PIBF1: variants seen among roughly 807,000 people sequenced by gnomAD.
PIBF1 encodes the protein progesterone immunomodulatory binding factor 1, also known as progesterone-induced-blocking factor 1.
A neutral mutation model predicts 112.5 loss-of-function variants in PIBF1; 90 were observed. The ratio of observed to expected loss-of-function variants is 0.80; its 90% CI spans 0.67 to 0.95. The LOEUF is 0.95. Among genes scored for constraint, PIBF1 ranks in the 40% least tolerant of loss-of-function variants. The pLI is 0.00. For missense variants in PIBF1, 915 were observed against 852.3 expected, an observed-to-expected ratio of 1.07 and a Z score of -0.92; for synonymous variants, 301 against 288.6, an observed-to-expected ratio of 1.04 and a Z score of -0.44.
chr13:72,933,795 G>A (rs904856686), intron 14 of PIBF1, among the ~76,000 whole-genome samples: 5 of 152,174 alleles, frequency 3.3e-5, no homozygotes, highest in African/African-American at 1.2e-4. Context: ...TTTTAAATAA[G>A]CTATGGCTTA....
intron 11 of PIBF1, among the ~76,000 whole-genome samples, chr13:72,894,335 TTCTA>T (rs1243822230): frequency 2.0e-5 from 3 of 152,074 alleles, no homozygotes; most frequent in Admixed American, 1.3e-4. Context: ...TATGATATGT[TTCTA>T]TCTAATCAAA....
chr13:72,935,205 C>T (rs1218736825), intron 14 of PIBF1, among the ~76,000 whole-genome samples: 2 of 152,096 alleles, frequency 1.3e-5, no homozygotes, highest in Admixed American at 6.5e-5. Context: ...AGGCTGGTCT[C>T]GAACTCCTGA....
intron 5 of PIBF1, 128 bp from the exon 6 acceptor site, chr13:72,821,721 A>G (rs1028467750): frequency 1.7e-6 from 1 of 604,342 alleles, no homozygotes; most frequent in African/African-American, 1.9e-5. Flanking sequence ...AAATTTAAAA[A>G]TTGAGGAATT....
chr13:73,004,505 G>GAAAAGAAAAGA (rs55680543), intron 17 of PIBF1, among the ~76,000 whole-genome samples: 3 of 141,704 alleles, frequency 2.1e-5, no homozygotes, highest in East Asian at 2.1e-4. Flanking sequence ...AAAAAAAAAA[G>GAAAAGAAAAGA]AAAGAAAAGA....
At chr13:72,784,523 T>G (rs1388879655) in intron 2 of PIBF1, among the ~76,000 whole-genome samples, 1 of 152,106 alleles carries the variant, frequency 6.6e-6, no homozygotes, top group South Asian at 2.1e-4. Context: ...CTTTGGATGC[T>G]GAGGCCAGTG....
At position 73,015,949 on chromosome 13, in the gene PIBF1, T is replaced by G. The variant is rs373420939; in HGVS notation, c.*30T>G. 19 of 1,431,924 alleles carry G rather than the reference T, an allele frequency of 1.3e-5. No individual in the cohort carries two copies. The African/African-American group carries it at 2.3e-4, about 17-fold the overall frequency. 88.7% of individuals were successfully genotyped at this position (1,431,924 alleles called of 1,614,324 possible). A position where few individuals can be genotyped will look rare whatever the true frequency, so the allele number is the denominator to read the frequency against. On this transcript the variant is annotated 3_prime_UTR_variant, in exon 18 of 18. Transcript: ENST00000326291. ...TTGGATGGGAAGCACCTGTAGACCA[T>G]TATATACTCCTGAAGTTCTTTTTCT...
intron 10 of PIBF1, among the ~76,000 whole-genome samples, chr13:72,882,730 A>G (rs563542446): frequency 1.3e-5 from 2 of 152,344 alleles, no homozygotes; most frequent in East Asian, 3.9e-4. Flanking sequence ...AATCAAAACT[A>G]CAATGAGACA....
intron 2 of PIBF1, among the ~76,000 whole-genome samples, chr13:72,789,268 T>G (rs1424241679): frequency 6.6e-6 from 1 of 152,194 alleles, no homozygotes; most frequent in East Asian, 1.9e-4. Flanking sequence ...CTCTGCAGCC[T>G]CAAATTACTG....
intron 9 of PIBF1, among the ~76,000 whole-genome samples, chr13:72,847,830 A>G (rs569370184): frequency 2.0e-5 from 3 of 152,312 alleles, no homozygotes; most frequent in African/African-American, 7.2e-5. Context: ...TCTACATGCA[A>G]CCCTTCTATT....
In PIBF1 at chr13:72,783,439, TAGAG is replaced by T; in HGVS notation, c.-29_-26del. ...AACCTACAGAATATTAAAATCAAAT[TAGAG>T]AAGAAAACTGATCCATAATAATAAA... is the stretch of plus-strand genomic sequence containing the variant. On this transcript the variant is annotated 5_prime_UTR_variant, in exon 2 of 18. Transcript: ENST00000326291. 1 of 1,432,972 alleles carries T rather than the reference TAGAG, an allele frequency of 7.0e-7. No homozygotes were observed. The highest frequency in any genetic ancestry group is 9.6e-7 in the Non-Finnish European group (1 of 1,038,138). The allele number at this position is 1,432,972 out of a possible 1,614,324, so 88.8% of individuals were successfully genotyped here. A position where few individuals can be genotyped will look rare whatever the true frequency, so the allele number is the denominator to read the frequency against.
chr13:72,834,581 T>C (rs941679371), intron 8 of PIBF1, among the ~76,000 whole-genome samples: 4 of 152,120 alleles, frequency 2.6e-5, no homozygotes, highest in African/African-American at 9.7e-5. Context: ...ATTGTGCCAC[T>C]GTACTTCATC....
chr13:73,002,703 C>T (rs964044393), intron 17 of PIBF1, among the ~76,000 whole-genome samples: 38 of 151,924 alleles, frequency 2.5e-4, no homozygotes, highest in African/African-American at 8.9e-4. Flanking sequence ...CAAAAAAGAG[C>T]TTGGGCGCAG....
Position 73,002,838 on chromosome 13 carries a change from T to C in PIBF1, c.2223+3843T>C, listed in dbSNP as rs533644966. ...GTCTCTACTAAAAATACCAAAATTA[T>C]TCAGGTGTGGTGGTGCATGCCTGTA... On this transcript the variant is annotated intron_variant, in intron 17 of 17. Transcript: ENST00000326291. Among the ~76,000 whole-genome samples the C allele has an allele frequency of 1.0e-3, 158 of 151,858 alleles. No homozygotes were observed. In the Middle Eastern group the frequency reaches 0.014, roughly 13 times the overall value.
chr13:73,011,242 A>G (rs1160000057), intron 17 of PIBF1, among the ~76,000 whole-genome samples: 1 of 152,208 alleles, frequency 6.6e-6, no homozygotes, highest in Non-Finnish European at 1.5e-5. Flanking sequence ...AATCCCATGG[A>G]TGGGAACCAG....
intron 13 of PIBF1, among the ~76,000 whole-genome samples, chr13:72,929,305 AT>A (rs1225815028): frequency 4.6e-5 from 7 of 152,112 alleles, no homozygotes; most frequent in African/African-American, 1.7e-4. Context: ...ATTAAGGCTT[AT>A]TTTATTTGTA....
chr13:73,010,805 C>CTTCTCTT (rs1396150238), intron 17 of PIBF1, among the ~76,000 whole-genome samples: 3 of 52,612 alleles, frequency 5.7e-5, no homozygotes, highest in East Asian at 4.6e-4. Flanking sequence ...AAATCATTAA[C>CTTCTCTT]TTTTCTTTTT....
chr13:72,940,706 A>G (rs2041987831), intron 14 of PIBF1, among the ~76,000 whole-genome samples: 1 of 152,190 alleles, frequency 6.6e-6, no homozygotes, highest in African/African-American at 2.4e-5. Flanking sequence ...TTTTTTAGGC[A>G]GAGAAGGGTT....
At chr13:72,933,714 G>C (rs7320714) in intron 14 of PIBF1, among the ~76,000 whole-genome samples, 15,731 of 152,176 alleles carry the variant, frequency 0.1, 2,321 homozygotes, top group African/African-American at 0.33. Flanking sequence ...ATAAATTGTT[G>C]GGAGAAAATG....
intron 5 of PIBF1, among the ~76,000 whole-genome samples, chr13:72,805,490 A>G (rs1390400896): frequency 1.3e-5 from 2 of 152,170 alleles, no homozygotes; most frequent in Non-Finnish European, 2.9e-5. Flanking sequence ...TTCATATGAC[A>G]TTATTCAAAA....
Sources: allele counts gnomAD v4.1 joint callset (sites outside exome capture counted in the v4.1 genomes callset), GRCh38; gene constraint gnomAD v4.1.1; transcripts MANE v1.5; gene names NCBI Gene and HGNC (gene_info 2026-07-23, HGNC 2026-07-21).